GALNT17: variants seen among roughly 807,000 people sequenced by gnomAD.
The protein encoded by GALNT17 is polypeptide N-acetylgalactosaminyltransferase 17.
In GALNT17, 29 loss-of-function variants were observed where a neutral mutation model predicts 63.7. The ratio of observed to expected loss-of-function variants is 0.46; its 90% CI spans 0.34 to 0.62. The LOEUF (loss-of-function observed/expected upper bound fraction) is 0.62, where lower values mean the gene tolerates loss of function less well. Among genes scored for constraint, GALNT17 ranks in the 20% least tolerant of loss-of-function variants. GALNT17 has a pLI of 0.01. For synonymous variants in GALNT17, 305 were observed against 318.3 expected (o/e 0.96, Z 0.45); for missense variants, 603 against 799.6 (o/e 0.75, Z 2.97).
At position 71,571,289 on chromosome 7, in the gene GALNT17, C is replaced by G; in HGVS notation, c.967C>G (p.Pro323Ala). ...CCTTCTTTCTCCCTCCCTCAGGACC[C>G]CAGCCATGATAGGCTGCTCGTTCGT... ...AGDPSLPIRT[P>A]AMIGCSFVVN... Residue 323 changes from proline (P) to alanine (A), a missense_variant, in exon 6 of 11, where the codon CCA (proline) becomes GCA (alanine). Pro to Ala is a conservative substitution (Grantham distance 27, BLOSUM62 -1). Transcript: ENST00000333538. 1 of 1,613,978 alleles carries G rather than the reference C, an allele frequency of 6.2e-7. No individual in the cohort carries two copies. Among genetic ancestry groups the G allele is most frequent in the Non-Finnish European group, 8.5e-7 (1 of 1,179,874 alleles).
In GALNT17 at chr7:71,235,244, C is replaced by T. The variant is rs189546000; in HGVS notation, c.239-100306C>T. Among the ~76,000 whole-genome samples the T allele has an allele frequency of 6.5e-4, 98 of 150,306 alleles. No homozygotes were observed. In the Middle Eastern group the frequency reaches 0.01, roughly 16 times the overall value. ...CCAGCCTGGGTGACAGAGCAACACT[C>T]CATCTCGGAAAAAAAAAAAAAAAAT... On this transcript the variant is annotated intron_variant, in intron 1 of 10. Coordinates refer to ENST00000333538, the MANE Select transcript of GALNT17 (RefSeq NM_022479.3).
intron 1 of GALNT17, among the ~76,000 whole-genome samples, chr7:71,217,120 T>C (rs1367781934): frequency 1.3e-5 from 2 of 150,534 alleles, no homozygotes; most frequent in Non-Finnish European, 3.0e-5. Context: ...TATGCCACCA[T>C]GCACAGCTAA....
intron 1 of GALNT17, among the ~76,000 whole-genome samples, chr7:71,284,953 G>A (rs535245541): frequency 4.6e-5 from 7 of 152,114 alleles, no homozygotes; most frequent in African/African-American, 1.4e-4. Flanking sequence ...AACTGGTGGG[G>A]TGGCATCCAA....
Position 71,377,114 on chromosome 7 carries a change from A to AAAAAAAATATATAT in GALNT17, c.423-11120_423-11119insAAAAAATATATATA. ...AAAAAAAAAAAATAAAAATAAAAAA[A>AAAAAAAATATATAT]ATATATATATATATATATATATATA... On this transcript the variant is annotated intron_variant, in intron 2 of 10. Coordinates refer to ENST00000333538, the MANE Select transcript of GALNT17 (RefSeq NM_022479.3). Among the ~76,000 whole-genome samples the AAAAAAAATATATAT allele has an allele frequency of 8.7e-5, 5 of 57,464 alleles. 1 individual carries two copies. The highest frequency in any genetic ancestry group is 7.5e-4 in the Admixed American group (3 of 3,988). The allele number at this position is 57,464 out of a possible 152,430, so 37.7% of individuals were successfully genotyped here.
At chr7:71,431,284 C>T (rs1357811717) in intron 5 of GALNT17, among the ~76,000 whole-genome samples, 7 of 141,314 alleles carry the variant, frequency 5.0e-5, no homozygotes, top group Non-Finnish European at 7.5e-5. Flanking sequence ...GATCTCAACT[C>T]ACTGCAACCT....
At chr7:71,153,269 A>G (rs1788166318) in intron 1 of GALNT17, among the ~76,000 whole-genome samples, 1 of 152,184 alleles carries the variant, frequency 6.6e-6, no homozygotes, top group African/African-American at 2.4e-5. Context: ...TATGATAAGG[A>G]CGGTGTAAGG....
chr7:71,436,786 G>A lies in GALNT17; in HGVS notation c.962+15681G>A, dbSNP rs572642903. On this transcript the variant is annotated intron_variant, in intron 5 of 10. Transcript: ENST00000333538. The stretch of plus-strand genomic sequence containing the variant: ...TTTCCACACTTTCGAGACCCCAAAT[G>A]CAAACTCTGAATGAAAACAACTGCT... 2.2e-4 allele frequency among the ~76,000 whole-genome samples: 33 copies of A among 152,124 alleles called. No individual in the cohort carries two copies. In the South Asian group the frequency reaches 6.8e-3, roughly 32 times the overall value.
chr7:71,314,963 C>T (rs1044586812), intron 1 of GALNT17, among the ~76,000 whole-genome samples: 10 of 152,146 alleles, frequency 6.6e-5, no homozygotes, highest in African/African-American at 2.4e-4. Context: ...GTCTACAGTT[C>T]ACCACTGTCT....
chr7:71,592,145 G>C (rs1789811859), intron 6 of GALNT17, among the ~76,000 whole-genome samples: 2 of 152,096 alleles, frequency 1.3e-5, no homozygotes, highest in South Asian at 4.1e-4. Flanking sequence ...TGAAGGAGGA[G>C]ATGCCATGAG....
intron 5 of GALNT17, among the ~76,000 whole-genome samples, chr7:71,524,512 A>G (rs1300916423): frequency 1.3e-5 from 2 of 152,094 alleles, no homozygotes; most frequent in Non-Finnish European, 2.9e-5. Flanking sequence ...AAGCCTACAC[A>G]TGGCTTCAGT....
At chr7:71,587,709 T>TA (rs572864572) in intron 6 of GALNT17, among the ~76,000 whole-genome samples, 3 of 151,688 alleles carry the variant, frequency 2.0e-5, no homozygotes, top group Admixed American at 1.3e-4. Context: ...CTGAAAACAT[T>TA]AAAAAAACAC....
chr7:71,525,328 G>A (rs572452957), intron 5 of GALNT17, among the ~76,000 whole-genome samples: 1 of 151,954 alleles, frequency 6.6e-6, no homozygotes, highest in Admixed American at 6.6e-5. Context: ...GGCTGTACAG[G>A]CCCGCCACCA....
At chr7:71,268,024 G>T (rs141386187) in intron 1 of GALNT17, among the ~76,000 whole-genome samples, 24 of 152,116 alleles carry the variant, frequency 1.6e-4, no homozygotes, top group Non-Finnish European at 2.4e-4. Flanking sequence ...GAGCAATAGG[G>T]GCGTGTTTGC....
chr7:71,637,377 A>C (rs1025533774), intron 6 of GALNT17, among the ~76,000 whole-genome samples: 2 of 151,670 alleles, frequency 1.3e-5, no homozygotes, highest in Admixed American at 6.6e-5. Context: ...TAGAGACAGG[A>C]TTTCACCATG....
At chr7:71,443,359 G>A (rs190808892) in intron 5 of GALNT17, among the ~76,000 whole-genome samples, 2 of 152,074 alleles carry the variant, frequency 1.3e-5, no homozygotes, top group Admixed American at 1.3e-4. Flanking sequence ...GATATTTGTC[G>A]CTTCCGAATC....
chr7:71,580,242 G>A (rs1043572274), intron 6 of GALNT17, among the ~76,000 whole-genome samples: 1 of 151,928 alleles, frequency 6.6e-6, no homozygotes, highest in Admixed American at 6.6e-5. Context: ...TGATTATATA[G>A]ACAGATAAAT....
intron 1 of GALNT17, among the ~76,000 whole-genome samples, chr7:71,187,990 C>A (rs965802290): frequency 6.6e-6 from 1 of 152,154 alleles, no homozygotes; most frequent in African/African-American, 2.4e-5. Flanking sequence ...TTTTTCCATT[C>A]CTGAGTTACT....
intron 1 of GALNT17, among the ~76,000 whole-genome samples, chr7:71,332,978 G>A (rs1164265535): frequency 6.6e-6 from 1 of 152,150 alleles, no homozygotes; most frequent in Non-Finnish European, 1.5e-5. Flanking sequence ...GTGAGCCATG[G>A]CCCCCAGCCA....
At chr7:71,272,624 T>A (rs1447560476) in intron 1 of GALNT17, among the ~76,000 whole-genome samples, 3 of 152,254 alleles carry the variant, frequency 2.0e-5, no homozygotes, top group Admixed American at 2.0e-4. Flanking sequence ...CTCTTTCTCC[T>A]GCAGCCCTTC....
Sources: gnomAD v4.1 joint callset for allele counts (sites outside exome capture counted in the v4.1 genomes callset) on GRCh38, gnomAD v4.1.1 for gene constraint, MANE v1.5 for transcripts, NCBI Gene and HGNC (gene_info 2026-07-23, HGNC 2026-07-21) for gene names.